PCDH15: variants seen among roughly 807,000 people sequenced by gnomAD.
PCDH15 encodes protocadherin-15.
In PCDH15, 129 loss-of-function variants were observed where a neutral mutation model predicts 178.5. The ratio of observed to expected loss-of-function variants is 0.72; its 90% CI spans 0.63 to 0.84. The LOEUF (loss-of-function observed/expected upper bound fraction) is 0.84. Ranked by LOEUF, PCDH15 falls within the 40% of genes least tolerant of loss-of-function variation. The pLI is 0.00. For missense variants in PCDH15, 2,230 were observed against 2,099.9 expected (o/e 1.06, Z -1.21); for synonymous variants, 800 against 732.0 (o/e 1.09, Z -1.50).
At chr10:55,408,229 A>G (rs1186499114) in intron 2 of PCDH15, among the ~76,000 whole-genome samples, 1 of 150,628 alleles carries the variant, frequency 6.6e-6, no homozygotes, top group Admixed American at 6.6e-5. Flanking sequence ...CTTGTCACTG[A>G]GGCTGGAGTG....
At chr10:55,254,432 G>C (rs1373302584) in intron 1 of PCDH15, among the ~76,000 whole-genome samples, 3 of 152,214 alleles carry the variant, frequency 2.0e-5, no homozygotes, top group South Asian at 2.1e-4. Context: ...TGACCCAAAG[G>C]CTCTACCTGG....
chr10:53,858,069 C>T (rs1165292309), intron 27 of PCDH15, among the ~76,000 whole-genome samples: 1 of 152,004 alleles, frequency 6.6e-6, no homozygotes, highest in Non-Finnish European at 1.5e-5. Context: ...TAAATGCAGT[C>T]TGCCTTACAC....
At chr10:53,941,073 G>T in intron 23 of PCDH15, 98 bp from the exon 24 acceptor site, 1 of 818,062 alleles carries the variant, frequency 1.2e-6, no homozygotes. Context: ...AGAGATTTCT[G>T]ATATACCCTC....
upstream of PCDH15, among the ~76,000 whole-genome samples, chr10:55,320,436 T>G (rs1843860128): frequency 6.6e-6 from 1 of 151,800 alleles, no homozygotes; most frequent in Admixed American, 6.6e-5. Flanking sequence ...AGCGCCCCAG[T>G]ACAGTCAGCA....
chr10:54,826,998 C>A (rs1323295109), intron 3 of PCDH15, among the ~76,000 whole-genome samples: 2 of 152,028 alleles, frequency 1.3e-5, no homozygotes, highest in East Asian at 3.9e-4. Flanking sequence ...GTTTTTCCTA[C>A]CAAAAACACA....
chr10:54,730,932 C>A (rs117458436), intron 1 of PCDH15, among the ~76,000 whole-genome samples: 19 of 151,278 alleles, frequency 1.3e-4, no homozygotes, highest in African/African-American at 4.1e-4. Flanking sequence ...AGGCTAAAAA[C>A]CTTCTGCACA....
At chr10:54,945,665 C>T (rs1838180187) in intron 2 of PCDH15, among the ~76,000 whole-genome samples, 1 of 151,688 alleles carries the variant, frequency 6.6e-6, no homozygotes, top group Admixed American at 6.6e-5. Context: ...CTACTCTAAA[C>T]AGTAGCCTTT....
At chr10:55,589,719 T>C (rs1416037720) in intron 2 of PCDH15, among the ~76,000 whole-genome samples, 17 of 150,672 alleles carry the variant, frequency 1.1e-4, no homozygotes, top group African/African-American at 4.9e-5. Context: ...AAAATGCTCA[T>C]CATCACTGGC....
At chr10:54,664,492 G>A (rs2094539986) in intron 1 of PCDH15, among the ~76,000 whole-genome samples, 1 of 151,944 alleles carries the variant, frequency 6.6e-6, no homozygotes, top group African/African-American at 2.4e-5. Context: ...AATCTCTAAG[G>A]AAAGACATCT....
At chr10:55,376,543 T>C (rs550011012) in intron 2 of PCDH15, among the ~76,000 whole-genome samples, 24 of 152,104 alleles carry the variant, frequency 1.6e-4, no homozygotes, top group Non-Finnish European at 3.2e-4. Context: ...TCTGCTTTAG[T>C]TTTCCAGAGA....
chr10:54,354,539 T>C (rs1409044827), intron 5 of PCDH15, among the ~76,000 whole-genome samples: 1 of 152,158 alleles, frequency 6.6e-6, no homozygotes, highest in East Asian at 1.9e-4. Flanking sequence ...TTTCTTTAAC[T>C]TTAGATTAAG....
chr10:53,992,562 A>G (rs2134839748), intron 21 of PCDH15, among the ~76,000 whole-genome samples: 1 of 152,322 alleles, frequency 6.6e-6, no homozygotes, highest in East Asian at 1.9e-4. Context: ...ATACTCACAA[A>G]AGACTATTCT....
At chr10:54,960,814 C>T (rs1838625703) in intron 2 of PCDH15, among the ~76,000 whole-genome samples, 1 of 151,994 alleles carries the variant, frequency 6.6e-6, no homozygotes, top group African/African-American at 2.4e-5. Flanking sequence ...GCCAATTTTC[C>T]TAGGCATGTA....
chr10:54,990,976 AAC>A lies in PCDH15; in HGVS notation c.-79-93478_-79-93477del, dbSNP rs548066215. 3.9e-5 allele frequency among the ~76,000 whole-genome samples: 6 copies of A among 152,164 alleles called. No individual in the cohort carries two copies. The South Asian group carries it at 1.0e-3, about 26-fold the overall frequency. ...CAATAAAATTTTAAAAGAAAAAAAA[AAC>A]AATTCTAATTCCTAGTAATAATCAT... On this transcript the variant is annotated intron_variant, in intron 2 of 5. Transcript: ENST00000458638.
intron 2 of PCDH15, among the ~76,000 whole-genome samples, chr10:55,379,712 A>T (rs1386961650): frequency 1.3e-5 from 2 of 152,066 alleles, no homozygotes; most frequent in African/African-American, 2.4e-5. Flanking sequence ...ATAGTATTTC[A>T]TTTAAAAGCA....
intron 2 of PCDH15, among the ~76,000 whole-genome samples, chr10:55,131,369 G>A (rs1004061693): frequency 6.6e-6 from 1 of 152,186 alleles, no homozygotes; most frequent in Admixed American, 6.5e-5. Flanking sequence ...CCCAAAGAGG[G>A]TGTCAAAGCC....
intron 2 of PCDH15, among the ~76,000 whole-genome samples, chr10:54,906,918 A>C (rs1954732795): frequency 6.6e-6 from 1 of 152,166 alleles, no homozygotes; most frequent in South Asian, 2.1e-4. Context: ...TTACCCTAAT[A>C]ATTGCTGTCT....
At chr10:55,534,096 G>A (rs75939389) in intron 2 of PCDH15, among the ~76,000 whole-genome samples, 1,781 of 151,956 alleles carry the variant, frequency 0.012, 34 homozygotes, top group African/African-American at 0.04. Context: ...ATGGATTAAA[G>A]ATTTAAAGAC....
At chr10:55,395,881 T>C (rs770903369) in intron 2 of PCDH15, among the ~76,000 whole-genome samples, 7 of 152,066 alleles carry the variant, frequency 4.6e-5, no homozygotes, top group Non-Finnish European at 1.0e-4. Flanking sequence ...AACAAACTTA[T>C]TATACAATGC....
Sources: allele counts gnomAD v4.1 joint callset (sites outside exome capture counted in the v4.1 genomes callset), GRCh38; gene constraint gnomAD v4.1.1; transcripts MANE v1.5; gene names NCBI Gene and HGNC (gene_info 2026-07-23, HGNC 2026-07-21).